Variants in DPP10 observed in about 807,000 individuals in gnomAD.
DPP10 encodes the protein dipeptidyl peptidase like 10.
Under a neutral mutation model 120.9 loss-of-function variants are expected in DPP10, and 33 were observed. That is an observed-to-expected ratio of 0.27 (90% CI 0.21 to 0.37). The LOEUF (loss-of-function observed/expected upper bound fraction) is 0.37. Among genes scored for constraint, DPP10 ranks in the 10% least tolerant of loss-of-function variants. DPP10 has a pLI of 1.00. For missense variants in DPP10, 816 were observed against 942.8 expected, an observed-to-expected ratio of 0.87 and a Z score of 1.76; for synonymous variants, 337 against 326.1, an observed-to-expected ratio of 1.03 and a Z score of -0.36.
At chr2:114,836,652 C>A (rs1394461821) in intron 1 of DPP10, among the ~76,000 whole-genome samples, 1 of 152,094 alleles carries the variant, frequency 6.6e-6, no homozygotes, top group Non-Finnish European at 1.5e-5. Context: ...TTGATAACTT[C>A]TTATCAGGGG....
intron 1 of DPP10, among the ~76,000 whole-genome samples, chr2:115,152,838 G>C (rs1377503511): frequency 1.3e-5 from 2 of 152,142 alleles, no homozygotes; most frequent in African/African-American, 2.4e-5. Context: ...TACTGCTTTC[G>C]AGCTAATGAG....
chr2:115,087,938 C>A (rs1559078935), intron 1 of DPP10, among the ~76,000 whole-genome samples: 1 of 152,134 alleles, frequency 6.6e-6, no homozygotes, highest in South Asian at 2.1e-4. Context: ...TAACAAAATA[C>A]CATAGACTTG....
At chr2:115,680,866 T>C (rs1253303601) in intron 5 of DPP10, among the ~76,000 whole-genome samples, 2 of 151,826 alleles carry the variant, frequency 1.3e-5, no homozygotes, top group Admixed American at 1.3e-4. Flanking sequence ...AAAAGATGAA[T>C]GAATTCCCAA....
At chr2:114,784,440 A>G (rs907895362) in intron 1 of DPP10, among the ~76,000 whole-genome samples, 7 of 152,134 alleles carry the variant, frequency 4.6e-5, no homozygotes, top group African/African-American at 1.4e-4. Context: ...CCATTCAGTG[A>G]CTTCAAGGTA....
At chr2:115,592,779 A>T (rs1250804708) in intron 5 of DPP10, among the ~76,000 whole-genome samples, 1 of 151,896 alleles carries the variant, frequency 6.6e-6, no homozygotes, top group Non-Finnish European at 1.5e-5. Context: ...AAAGAAAGAA[A>T]AAAGAAAGAA....
At chr2:115,745,825 A>G (rs916409711) in intron 9 of DPP10, among the ~76,000 whole-genome samples, 3 of 152,122 alleles carry the variant, frequency 2.0e-5, no homozygotes, top group African/African-American at 4.8e-5. Flanking sequence ...GAAAGAACAC[A>G]GAAGCACTGC....
At chr2:115,771,948 G>T (rs1681522806) in intron 13 of DPP10, among the ~76,000 whole-genome samples, 1 of 151,324 alleles carries the variant, frequency 6.6e-6, no homozygotes, top group Non-Finnish European at 1.5e-5. Flanking sequence ...TTGATTTCAA[G>T]CTATTTTCAT....
At chr2:114,454,503 G>C (rs1343776473) in intron 1 of DPP10, among the ~76,000 whole-genome samples, 1 of 152,168 alleles carries the variant, frequency 6.6e-6, no homozygotes, top group African/African-American at 2.4e-5. Flanking sequence ...TCCTATTTGA[G>C]TGTCTCCTAA....
At chr2:115,600,448 GT>G (rs759986778) in intron 5 of DPP10, among the ~76,000 whole-genome samples, 6 of 152,062 alleles carry the variant, frequency 3.9e-5, no homozygotes, top group Non-Finnish European at 7.4e-5. Flanking sequence ...GACAATAAAA[GT>G]TTTTCTTAAA....
intron 3 of DPP10, among the ~76,000 whole-genome samples, chr2:115,447,523 A>C (rs2072718046): frequency 6.6e-6 from 1 of 152,120 alleles, no homozygotes; most frequent in Admixed American, 6.6e-5. Context: ...CTCAAATATA[A>C]TCCCCATGTG....
intron 1 of DPP10, among the ~76,000 whole-genome samples, chr2:114,553,198 C>T (rs78004950): frequency 0.048 from 7,377 of 152,290 alleles, 264 homozygotes; most frequent in South Asian, 0.1. Context: ...TCCTTTATGC[C>T]GGTCTGCCTT....
chr2:115,548,785 G>A (rs1215817442), intron 5 of DPP10, among the ~76,000 whole-genome samples: 2 of 152,116 alleles, frequency 1.3e-5, no homozygotes. Flanking sequence ...TTTGAAAATA[G>A]CATTCGCCTC....
intron 5 of DPP10, among the ~76,000 whole-genome samples, chr2:115,660,239 G>C (rs2088803266): frequency 6.6e-6 from 1 of 152,116 alleles, no homozygotes; most frequent in Admixed American, 6.6e-5. Flanking sequence ...TATGGTAATT[G>C]TTGCTCCTTT....
intron 1 of DPP10, among the ~76,000 whole-genome samples, chr2:114,941,859 G>A (rs757444280): frequency 3.6e-4 from 54 of 152,052 alleles, no homozygotes; most frequent in Non-Finnish European, 1.0e-4. Context: ...ACATGAGGAC[G>A]TGGTAAAATT....
At chr2:114,592,695 A>G (rs1477772635) in intron 1 of DPP10, among the ~76,000 whole-genome samples, 3 of 152,216 alleles carry the variant, frequency 2.0e-5, no homozygotes, top group South Asian at 4.1e-4. Context: ...GCTTGAAAAC[A>G]TGTTCATGCT....
intron 1 of DPP10, among the ~76,000 whole-genome samples, chr2:114,831,096 A>G (rs1687079102): frequency 6.9e-6 from 1 of 144,600 alleles, no homozygotes. Flanking sequence ...GTTGTATTAA[A>G]AAACAGATGA....
chr2:115,061,595 T>C (rs543486441), intron 1 of DPP10, among the ~76,000 whole-genome samples: 3 of 152,322 alleles, frequency 2.0e-5, no homozygotes, highest in South Asian at 4.1e-4. Context: ...ATGCACAGTG[T>C]TTATAATTGG....
chr2:115,161,740 A>C, intron 1 of DPP10: 2 of 407,666 alleles, frequency 4.9e-6, no homozygotes, highest in Non-Finnish European at 8.6e-6. Flanking sequence ...GAGAGCGGGG[A>C]GTCAGAGGGT....
At chr2:114,680,421 G>T (rs1344292083) in intron 1 of DPP10, among the ~76,000 whole-genome samples, 1 of 151,804 alleles carries the variant, frequency 6.6e-6, no homozygotes, top group Non-Finnish European at 1.5e-5. Flanking sequence ...GCAATAATAG[G>T]TTCTCTCACC....
Sources: gnomAD v4.1 joint callset for allele counts (sites outside exome capture counted in the v4.1 genomes callset) on GRCh38, gnomAD v4.1.1 for gene constraint, MANE v1.5 for transcripts, NCBI Gene and HGNC (gene_info 2026-07-23, HGNC 2026-07-21) for gene names.